The following SND1 variants were observed in gnomAD, a reference collection of about 807,000 sequenced individuals.
The protein encoded by SND1 is staphylococcal nuclease and tudor domain containing 1.
Under a neutral mutation model 121.7 loss-of-function variants are expected in SND1, and 38 were observed. The ratio of observed to expected loss-of-function variants is 0.31; its 90% confidence interval spans 0.24 to 0.41. The LOEUF is 0.41. Ranked by LOEUF, SND1 falls within the 10% of genes least tolerant of loss-of-function variation. The pLI, the probability that SND1 is intolerant of heterozygous loss-of-function variation, is 1.00. For missense variants in SND1, 868 were observed against 1,184.6 expected (o/e 0.73, Z 3.92); for synonymous variants, 401 against 447.4 (o/e 0.90, Z 1.31).
chr7:127,962,493 G>A (rs1324085016), intron 15 of SND1, among the ~76,000 whole-genome samples: 1 of 152,196 alleles, frequency 6.6e-6, no homozygotes, highest in African/African-American at 2.4e-5. Flanking sequence ...CAAAGCGTAG[G>A]CTTTATCAAA....
chr7:127,791,887 C>G (rs1242300865), intron 10 of SND1, among the ~76,000 whole-genome samples: 1 of 152,184 alleles, frequency 6.6e-6, no homozygotes, highest in Non-Finnish European at 1.5e-5. Flanking sequence ...CACATTTAAG[C>G]TAACTTTAGT....
chr7:127,829,172 AATGCAGC>A (rs1387348346), intron 11 of SND1, among the ~76,000 whole-genome samples: 2 of 152,164 alleles, frequency 1.3e-5, no homozygotes, highest in African/African-American at 4.8e-5. Flanking sequence ...CTTGGAAGCA[AATGCAGC>A]AGATGAGGGA....
chr7:127,769,813 A>G (rs1797483397), intron 10 of SND1, among the ~76,000 whole-genome samples: 1 of 152,202 alleles, frequency 6.6e-6, no homozygotes, highest in Admixed American at 6.5e-5. Context: ...ATGAACCAGA[A>G]CAGTGCCCTT....
At chr7:128,036,203 TTGTG>T (rs34733932) in intron 16 of SND1, among the ~76,000 whole-genome samples, 23 of 151,624 alleles carry the variant, frequency 1.5e-4, no homozygotes, top group Non-Finnish European at 2.5e-4. Flanking sequence ...ATGAACACAT[TTGTG>T]TGTGTGTGTG....
intron 10 of SND1, among the ~76,000 whole-genome samples, chr7:127,788,235 A>G (rs71578242): frequency 6.6e-6 from 1 of 152,220 alleles, no homozygotes; most frequent in Non-Finnish European, 1.5e-5. Context: ...ATTTTATTCA[A>G]CAAATATTAA....
At chr7:127,689,126 C>T (rs1258909610) in intron 2 of SND1, among the ~76,000 whole-genome samples, 3 of 152,140 alleles carry the variant, frequency 2.0e-5, no homozygotes, top group Non-Finnish European at 4.4e-5. Flanking sequence ...ACCTCAGGGT[C>T]GTTTAATGAA....
chr7:127,703,787 T>A (rs1220897177), intron 7 of SND1, among the ~76,000 whole-genome samples: 1 of 152,232 alleles, frequency 6.6e-6, no homozygotes, highest in Non-Finnish European at 1.5e-5. Flanking sequence ...ATCATTTGTC[T>A]TACAGAATTG....
rs765470893 is a variant in SND1 at position 128,029,478 on chromosome 7, T to C, written c.1779+38422T>C. 30 of 1,613,944 alleles carry C rather than the reference T, an allele frequency of 1.9e-5. No individual in the cohort carries two copies. The highest frequency in any genetic ancestry group is 8.3e-5 in the Admixed American group (5 of 59,996). ...GGAGGCGTGGCTGAGCACTGTCCCA[T>C]TGGGCAGCAACCACTTCACGGAGGA... On this transcript the variant is annotated intron_variant, in intron 16 of 23. Coordinates refer to ENST00000354725, the MANE Select transcript of SND1 (RefSeq NM_014390.4). The surrounding 1 kb of genome is among the most constrained non-coding windows in gnomAD (Gnocchi z 4.2).
chr7:127,844,619 T>C (rs1035413982), intron 12 of SND1, among the ~76,000 whole-genome samples, 195 bp downstream of exon 12: 3 of 152,228 alleles, frequency 2.0e-5, no homozygotes, highest in Non-Finnish European at 2.9e-5. Context: ...TCGTATACTT[T>C]CATTATTGTA....
chr7:127,806,962 A>G lies in SND1; in HGVS notation c.1153-522A>G, dbSNP rs147391060. On this transcript the variant is annotated intron_variant, in intron 10 of 23. Coordinates refer to ENST00000354725, the MANE Select transcript of SND1 (RefSeq NM_014390.4). ...CAACAGAGCAAGACTCTGTCTGAAA[A>G]AAAAGGAAGAAAAAAACTGCTTTGT... 2.6e-5 allele frequency among the ~76,000 whole-genome samples: 4 copies of G among 152,336 alleles called. No homozygotes were observed. The East Asian group carries it at 5.8e-4, about 22-fold the overall frequency.
chr7:127,751,679 A>C (rs923563421), intron 10 of SND1, among the ~76,000 whole-genome samples: 2 of 152,228 alleles, frequency 1.3e-5, no homozygotes, highest in Admixed American at 1.3e-4. Flanking sequence ...GACTCGTAGC[A>C]ACCTCGCTGT....
At chr7:127,962,968 G>A (rs1801768098) in intron 15 of SND1, among the ~76,000 whole-genome samples, 1 of 152,184 alleles carries the variant, frequency 6.6e-6, no homozygotes, top group Admixed American at 6.5e-5. Flanking sequence ...AAACTTGAGA[G>A]TAGAACATAT....
intron 15 of SND1, among the ~76,000 whole-genome samples, chr7:127,936,596 A>G (rs1472118846): frequency 1.3e-5 from 2 of 151,752 alleles, no homozygotes; most frequent in Admixed American, 6.6e-5. Context: ...TGCCCAGGCT[A>G]CAGTGCAGTG....
chr7:127,792,252 T>C (rs773215124), intron 10 of SND1, among the ~76,000 whole-genome samples: 5 of 152,156 alleles, frequency 3.3e-5, no homozygotes, highest in Non-Finnish European at 5.9e-5. Context: ...GTGGTCATGG[T>C]GTGTGGGGGC....
intron 16 of SND1, among the ~76,000 whole-genome samples, chr7:128,066,629 G>T (rs3757755): frequency 0.39 from 58,987 of 152,012 alleles, 11,870 homozygotes; most frequent in South Asian, 0.48. Flanking sequence ...TAATTGCATT[G>T]TTAATGTTCA....
intron 18 of SND1, among the ~76,000 whole-genome samples, chr7:128,083,098 G>A (rs1793633072): frequency 6.6e-6 from 1 of 152,184 alleles, no homozygotes; most frequent in African/African-American, 2.4e-5. Context: ...CCTCTCTGCT[G>A]AAACCTTTCA....
intron 11 of SND1, among the ~76,000 whole-genome samples, chr7:127,823,783 A>G (rs1181405152): frequency 2.0e-5 from 3 of 152,190 alleles, no homozygotes; most frequent in Non-Finnish European, 2.9e-5. Context: ...ATTTGCTTTT[A>G]AAAGTCAGAC....
intron 15 of SND1, among the ~76,000 whole-genome samples, chr7:127,935,124 T>C (rs1801033358): frequency 6.6e-6 from 1 of 151,984 alleles, no homozygotes; most frequent in Admixed American, 6.6e-5. Flanking sequence ...TTCATCAGAG[T>C]TGAGTTGATT....
intron 12 of SND1, chr7:127,857,952 C>T (rs1799312393): frequency 1.5e-6 from 2 of 1,372,378 alleles, no homozygotes; most frequent in Admixed American, 3.4e-5. Flanking sequence ...CTTCGCTCAC[C>T]CAGGTCTGCA....
Sources: allele counts gnomAD v4.1 joint callset (sites outside exome capture counted in the v4.1 genomes callset), GRCh38; gene constraint gnomAD v4.1.1; non-coding constraint Gnocchi (gnomAD v3.1); transcripts MANE v1.5; gene names NCBI Gene and HGNC (gene_info 2026-07-23, HGNC 2026-07-21).